Variants in AOPEP observed in about 807,000 individuals in gnomAD.
AOPEP encodes the protein aminopeptidase O.
In AOPEP, 77 loss-of-function variants were observed where a neutral mutation model predicts 98.1. That is an observed-to-expected ratio of 0.78 (90% CI 0.65 to 0.95). The LOEUF is 0.95. AOPEP is among the 40% of genes least tolerant of loss of function. The pLI is 0.00. For synonymous variants in AOPEP, 346 were observed against 365.3 expected, an observed-to-expected ratio of 0.95 and a Z score of 0.60; for missense variants, 1,024 against 1,024.7, an observed-to-expected ratio of 1.00 and a Z score of 0.01.
chr9:95,096,559 T>G, the AOPEP span, among the ~76,000 whole-genome samples: 1 of 152,096 alleles, frequency 6.6e-6, no homozygotes, highest in Non-Finnish European at 1.5e-5. Context: ...GGGGCAGGTG[T>G]GGTCCCTCTG....
chr9:95,026,357 C>T (rs1195640942), intron 13 of AOPEP, among the ~76,000 whole-genome samples: 3 of 152,196 alleles, frequency 2.0e-5, no homozygotes, highest in Admixed American at 6.5e-5. Flanking sequence ...GCCTATTTCC[C>T]CCTCTCCTCA....
In AOPEP at chr9:94,955,190, A is replaced by C. The variant is rs766825109; in HGVS notation, c.1675A>C (p.Lys559Gln). The change falls in exon 8 of 17, where the codon AAA becomes CAA. Residue 559 changes from lysine to glutamine, a missense_variant. Transcript: ENST00000375315. ...AAATCGTTTTAGACCCAGTAAAGAC[A>C]AAACTGGCCACACAAGTGACTCGGG... Reference protein sequence around the residue: ...EMQVLRPSKDKTGHTSDSGAS... With the variant: ...EMQVLRPSKDQTGHTSDSGAS... The C allele has an allele frequency of 3.1e-6, 5 of 1,611,638 alleles. No homozygotes were observed. Among genetic ancestry groups the C allele is most frequent in the Non-Finnish European group, 4.2e-6 (5 of 1,178,900 alleles).
At chr9:94,750,707 C>T (rs555038460) in intron 1 of AOPEP, among the ~76,000 whole-genome samples, 263 of 151,982 alleles carry the variant, frequency 1.7e-3, no homozygotes, top group Non-Finnish European at 3.2e-3. Flanking sequence ...TCCTGCTGCT[C>T]GAGCTCATCT....
At chr9:94,826,735 AAGG>A (rs1237858596) in intron 5 of AOPEP, among the ~76,000 whole-genome samples, 2 of 151,922 alleles carry the variant, frequency 1.3e-5, no homozygotes, top group African/African-American at 4.8e-5. Context: ...TAATGTGGGG[AAGG>A]AGAAGAGGTA....
At chr9:94,794,489 G>T (rs1846467818) in intron 4 of AOPEP, among the ~76,000 whole-genome samples, 2 of 152,194 alleles carry the variant, frequency 1.3e-5, no homozygotes, top group Non-Finnish European at 2.9e-5. Flanking sequence ...CACAGTAACT[G>T]TGGCAGTTGG....
Position 94,800,789 on chromosome 9 carries a change from C to T in AOPEP, c.1151C>T (p.Pro384Leu). Residue 384 changes from proline (P) to leucine (L), a missense_variant, in exon 5 of 17, where the codon CCC becomes CTC. Coordinates refer to ENST00000375315, the MANE Select transcript of AOPEP (RefSeq NM_001193329.3). ...HVGVCSHMEY[P>L]CRFQNASATT... The stretch of plus-strand genomic sequence containing the variant: ...GGTGTTTGCAGTCACATGGAATACC[C>T]CTGCCGCTTCCAGAATGCTTCTGCC... 1 of 1,614,120 alleles carries T rather than the reference C, an allele frequency of 6.2e-7. No individual in the cohort carries two copies.
intron 13 of AOPEP, among the ~76,000 whole-genome samples, chr9:95,027,110 A>C (rs2063905026): frequency 6.6e-6 from 1 of 151,998 alleles, no homozygotes; most frequent in South Asian, 2.1e-4. Context: ...AAAAATACAA[A>C]AGTTAGCTGG....
At chr9:95,002,029 C>T (rs1014125157) in intron 11 of AOPEP, among the ~76,000 whole-genome samples, 19 of 151,902 alleles carry the variant, frequency 1.3e-4, no homozygotes, top group African/African-American at 1.9e-4. Flanking sequence ...TCCTCCCACC[C>T]CGGCCTCCCA....
the AOPEP span, chr9:95,135,686 A>G: frequency 1.7e-6 from 1 of 605,650 alleles, no homozygotes; most frequent in Non-Finnish European, 2.9e-6. Context: ...AATAATGTGA[A>G]TATGCTTCCA....
downstream of AOPEP, among the ~76,000 whole-genome samples, chr9:95,090,399 C>T (rs1305982851): frequency 6.6e-6 from 1 of 152,228 alleles, no homozygotes; most frequent in Non-Finnish European, 1.5e-5. Context: ...CTCCAGAGGC[C>T]AGCACGTTTT....
At chr9:94,916,236 G>A (rs1279194740) in intron 5 of AOPEP, among the ~76,000 whole-genome samples, 2 of 152,160 alleles carry the variant, frequency 1.3e-5, no homozygotes, top group African/African-American at 2.4e-5. Context: ...TGGGGAGGAC[G>A]GAGGTGGGGG....
At chr9:94,866,969 T>G (rs2045773134) in intron 5 of AOPEP, among the ~76,000 whole-genome samples, 1 of 152,224 alleles carries the variant, frequency 6.6e-6, no homozygotes, top group Non-Finnish European at 1.5e-5. Flanking sequence ...TGTATGTCAT[T>G]TGGACATAAA....
intron 4 of AOPEP, among the ~76,000 whole-genome samples, chr9:94,796,503 G>C (rs988677415): frequency 1.3e-5 from 2 of 152,166 alleles, no homozygotes; most frequent in African/African-American, 4.8e-5. Context: ...GGTCCCTTTT[G>C]CCTTCCCCAG....
At chr9:94,964,023 T>C (rs56384624) in intron 9 of AOPEP, among the ~76,000 whole-genome samples, 532 of 152,346 alleles carry the variant, frequency 3.5e-3, no homozygotes, top group African/African-American at 0.012. Flanking sequence ...GTTAATTCCA[T>C]TGATAGATGG....
At chr9:94,769,633 C>G (rs1212857343) in intron 2 of AOPEP, among the ~76,000 whole-genome samples, 1 of 152,066 alleles carries the variant, frequency 6.6e-6, no homozygotes. Flanking sequence ...AGTTATAGCT[C>G]TGGATACCAA....
chr9:95,127,169 A>G, the AOPEP span: 1 of 154,064 alleles, frequency 6.5e-6, no homozygotes, highest in African/African-American at 2.4e-5. Flanking sequence ...TTCTCCTTGA[A>G]TATTTCGGTG....
chr9:95,081,990 G>A (rs954769899), intron 15 of AOPEP, among the ~76,000 whole-genome samples: 1 of 152,006 alleles, frequency 6.6e-6, no homozygotes, highest in Non-Finnish European at 1.5e-5. Flanking sequence ...GAGTGTTTGC[G>A]GCATTGTTCC....
At chr9:94,857,968 C>T (rs1429846734) in intron 5 of AOPEP, among the ~76,000 whole-genome samples, 1 of 151,604 alleles carries the variant, frequency 6.6e-6, no homozygotes, top group Admixed American at 6.6e-5. Context: ...CACTGGCGTA[C>T]CCTGGTGTGA....
At chr9:94,777,309 G>C (rs1276192486) in intron 3 of AOPEP, among the ~76,000 whole-genome samples, 1 of 151,882 alleles carries the variant, frequency 6.6e-6, no homozygotes, top group Non-Finnish European at 1.5e-5. Context: ...GTGGGTGCCC[G>C]TAGTCCCAGC....
Sources: allele counts gnomAD v4.1 joint callset (sites outside exome capture counted in the v4.1 genomes callset), GRCh38; gene constraint gnomAD v4.1.1; transcripts MANE v1.5; gene names NCBI Gene and HGNC (gene_info 2026-07-23, HGNC 2026-07-21).